The following TMEM26 variants were observed in gnomAD, a reference collection of about 807,000 sequenced individuals.
TMEM26 encodes transmembrane protein 26.
Under a neutral mutation model 28.8 loss-of-function variants are expected in TMEM26, and 38 were observed. That is an observed-to-expected ratio of 1.32 (90% CI 1.02 to 1.73). The LOEUF (loss-of-function observed/expected upper bound fraction) is 1.73, where lower values mean the gene tolerates loss of function less well. Among genes scored for constraint, TMEM26 ranks in the 40% most tolerant of loss-of-function variants. The probability of loss-of-function intolerance (pLI) is 0.00; values close to 1 mark genes in which losing one functional copy is unlikely to be tolerated. For synonymous variants in TMEM26, 227 were observed against 182.9 expected (o/e 1.24, Z -1.95); for missense variants, 518 against 447.1 (o/e 1.16, Z -1.43).
At chr10:61,429,168 C>T (rs1839881155) in intron 3 of TMEM26, 22 bp from the exon 4 acceptor site, 3 of 1,594,352 alleles carry the variant, frequency 1.9e-6, no homozygotes, top group East Asian at 2.2e-5. Flanking sequence ...AAATGTCATA[C>T]AGACAGGATT....
intron 5 of TMEM26, among the ~76,000 whole-genome samples, chr10:61,412,587 T>C (rs1052209093): frequency 6.6e-6 from 1 of 152,134 alleles, no homozygotes; most frequent in Non-Finnish European, 1.5e-5. Flanking sequence ...AGGAGAATTC[T>C]CAAATCAAAA....
At chr10:61,421,493 C>A (rs572839810) in intron 4 of TMEM26, among the ~76,000 whole-genome samples, 1 of 151,986 alleles carries the variant, frequency 6.6e-6, no homozygotes, top group Admixed American at 6.6e-5. Flanking sequence ...GTAGATGTAA[C>A]CAAGTTAAGA....
chr10:61,412,774 T>G (rs1392188554), intron 5 of TMEM26: 1 of 281,980 alleles, frequency 3.5e-6, no homozygotes, highest in Non-Finnish European at 6.6e-6. Flanking sequence ...TGTTTTAAAT[T>G]TTTAATTAAT....
intron 4 of TMEM26, chr10:61,414,062 A>G: frequency 1.0e-6 from 1 of 986,446 alleles, no homozygotes; most frequent in Non-Finnish European, 1.2e-6. Flanking sequence ...TATACCAGAT[A>G]GTAGGACATA....
chr10:61,423,199 A>G (rs72825282), intron 4 of TMEM26, among the ~76,000 whole-genome samples: 21,473 of 152,196 alleles, frequency 0.14, 1,792 homozygotes, highest in Middle Eastern at 0.3. Context: ...TATTAAATTG[A>G]TAATTTAAAA....
chr10:61,444,481 C>T (rs1840145915), intron 1 of TMEM26, among the ~76,000 whole-genome samples: 1 of 151,570 alleles, frequency 6.6e-6, no homozygotes. Context: ...TAGAATTTTC[C>T]CCCTTTTCTC....
At chr10:61,421,540 G>A (rs1264553996) in intron 4 of TMEM26, among the ~76,000 whole-genome samples, 2 of 152,102 alleles carry the variant, frequency 1.3e-5, no homozygotes, top group African/African-American at 2.4e-5. Flanking sequence ...CTAATCCAAT[G>A]ACTATTGTCC....
At chr10:61,451,357 G>A (rs994880116) in intron 1 of TMEM26, among the ~76,000 whole-genome samples, 3 of 152,160 alleles carry the variant, frequency 2.0e-5, no homozygotes, top group African/African-American at 7.2e-5. Flanking sequence ...CCTCTTCTGA[G>A]GCTGAAGGTC....
At chr10:61,424,604 C>A (rs567991715) in intron 4 of TMEM26, among the ~76,000 whole-genome samples, 1 of 152,140 alleles carries the variant, frequency 6.6e-6, no homozygotes, top group South Asian at 2.1e-4. Context: ...AAATGCAAAG[C>A]ACCTACAATA....
chr10:61,416,930 A>G (rs1461189886), intron 4 of TMEM26, among the ~76,000 whole-genome samples: 1 of 152,086 alleles, frequency 6.6e-6, no homozygotes, highest in Non-Finnish European at 1.5e-5. Flanking sequence ...TGTATATATT[A>G]TCTATGCACA....
In TMEM26 at chr10:61,410,087, C is replaced by G. The variant is rs546588341; in HGVS notation, c.*235G>C. The G allele has an allele frequency of 1.8e-6, 1 of 547,150 alleles. No individual in the cohort carries two copies. Among genetic ancestry groups the G allele is most frequent in the African/African-American group, 1.9e-5 (1 of 53,192 alleles). 33.9% of individuals were successfully genotyped at this position (547,150 alleles called of 1,614,324 possible). A position where few individuals can be genotyped will look rare whatever the true frequency, so the allele number is the denominator to read the frequency against. On this transcript the variant is annotated 3_prime_UTR_variant, in exon 6 of 6. Transcript: ENST00000399298. ...GTTCAAGACAAACAAATCACTTAGTCGTTGAACAACTATAACATCTGATAC... is the reference window on the plus strand; with the variant it reads ...GTTCAAGACAAACAAATCACTTAGTGGTTGAACAACTATAACATCTGATAC...
chr10:61,436,011 A>C (rs1471612532), intron 2 of TMEM26, among the ~76,000 whole-genome samples, 159 bp downstream of exon 2: 1 of 152,122 alleles, frequency 6.6e-6, no homozygotes, highest in Non-Finnish European at 1.5e-5. Context: ...TTGGGGGGGC[A>C]AATCATGGAT....
chr10:61,449,078 C>G (rs1361950869), intron 1 of TMEM26, among the ~76,000 whole-genome samples: 1 of 152,086 alleles, frequency 6.6e-6, no homozygotes, highest in African/African-American at 2.4e-5. Context: ...TCAAGAAAAT[C>G]TTAAGCCAAG....
intron 1 of TMEM26, among the ~76,000 whole-genome samples, chr10:61,443,024 T>A (rs557903564): frequency 2.2e-4 from 34 of 152,304 alleles, no homozygotes; most frequent in African/African-American, 7.7e-4. Context: ...AGCATGTCCC[T>A]CATCATTACC....
intron 1 of TMEM26, among the ~76,000 whole-genome samples, chr10:61,450,718 T>C (rs374291071): frequency 1.8e-4 from 28 of 152,130 alleles, no homozygotes; most frequent in African/African-American, 6.8e-4. Flanking sequence ...ATTCATGTTA[T>C]AATGCACAAT....
intron 1 of TMEM26, 141 bp downstream of exon 1, chr10:61,452,750 G>A: frequency 9.2e-7 from 1 of 1,085,546 alleles, no homozygotes; most frequent in Non-Finnish European, 1.3e-6. Flanking sequence ...CAAGCATCTC[G>A]CGCCTTCCAA....
intron 1 of TMEM26, among the ~76,000 whole-genome samples, chr10:61,442,920 A>G (rs546957300): frequency 2.6e-5 from 4 of 152,210 alleles, no homozygotes; most frequent in Non-Finnish European, 4.4e-5. Flanking sequence ...CAACTCCTCA[A>G]CGTGAACCCA....
intron 4 of TMEM26, chr10:61,416,183 T>A: frequency 2.4e-6 from 1 of 419,386 alleles, no homozygotes; most frequent in Middle Eastern, 4.0e-4. Context: ...GCAAAAGAAA[T>A]TTTTCACAAG....
rs763281958 is a variant in TMEM26 at position 61,410,390 on chromosome 10, T to C, written c.1039A>G (p.Lys347Glu). 21 of 1,613,858 alleles carry C rather than the reference T, an allele frequency of 1.3e-5. No homozygotes were observed. The South Asian group carries it at 2.2e-4, about 17-fold the overall frequency. The stretch of plus-strand genomic sequence containing the variant: ...CGCAAAGGAATAGCCAGGCCCTCCT[T>C]AGACTCGTTCTGCCAGTCCCGCTGA... ...PSQRDWQNES[K>E]EGLAIPLRGS... The change falls in exon 6 of 6, where the codon AAG becomes GAG. Residue 347 changes from lysine to glutamate, a missense_variant. Lys to Glu is a moderately conservative substitution (Grantham distance 56). Transcript: ENST00000399298.
Sources: allele counts gnomAD v4.1 joint callset (sites outside exome capture counted in the v4.1 genomes callset), GRCh38; gene constraint gnomAD v4.1.1; transcripts MANE v1.5; gene names NCBI Gene and HGNC (gene_info 2026-07-23, HGNC 2026-07-21).